ZFAND3: variants seen among roughly 807,000 people sequenced by gnomAD.
ZFAND3 encodes the protein AN1-type zinc finger protein 3.
Under a neutral mutation model 29.6 loss-of-function variants are expected in ZFAND3, and 10 were observed. That is an observed-to-expected ratio of 0.34 (90% CI 0.21 to 0.57). ZFAND3 has a LOEUF of 0.57. ZFAND3 is among the 20% of genes least tolerant of loss of function. The probability of loss-of-function intolerance (pLI) is 0.86; values close to 1 mark genes in which losing one functional copy is unlikely to be tolerated. For synonymous variants in ZFAND3, 128 were observed against 112.6 expected (o/e 1.14, Z -0.87); for missense variants, 230 against 304.5 (o/e 0.76, Z 1.82).
intron 1 of ZFAND3, among the ~76,000 whole-genome samples, chr6:37,833,407 C>A (rs1490166113): frequency 4.6e-5 from 7 of 152,184 alleles, no homozygotes; most frequent in South Asian, 2.1e-4. Flanking sequence ...AATCACTATC[C>A]CAACTTGTAC....
At chr6:37,893,399 A>G (rs763951904) in intron 1 of ZFAND3, among the ~76,000 whole-genome samples, 11 of 152,220 alleles carry the variant, frequency 7.2e-5, no homozygotes, top group South Asian at 2.1e-4. Flanking sequence ...AAAACATTCA[A>G]CAAACTATGA....
At chr6:38,140,490 G>A (rs1027560728) in intron 5 of ZFAND3, among the ~76,000 whole-genome samples, 1 of 150,866 alleles carries the variant, frequency 6.6e-6, no homozygotes, top group African/African-American at 2.4e-5. Flanking sequence ...CCATTCGTAG[G>A]GTGTTTTGTT....
intron 2 of ZFAND3, among the ~76,000 whole-genome samples, chr6:38,013,346 A>G (rs1561966229): frequency 6.6e-6 from 1 of 152,176 alleles, no homozygotes; most frequent in Non-Finnish European, 1.5e-5. Flanking sequence ...CTTAATGAAT[A>G]TCTCACCTTC....
intron 2 of ZFAND3, among the ~76,000 whole-genome samples, chr6:38,001,742 T>C (rs1762951687): frequency 6.6e-6 from 1 of 152,174 alleles, no homozygotes; most frequent in Admixed American, 6.5e-5. Context: ...TTTCAGAACA[T>C]GGATAAACAT....
At chr6:37,858,727 A>C (rs1367489284) in intron 1 of ZFAND3, among the ~76,000 whole-genome samples, 1 of 152,242 alleles carries the variant, frequency 6.6e-6, no homozygotes, top group Non-Finnish European at 1.5e-5. Context: ...CCTGTTAAAC[A>C]AGGTGAAGAA....
intron 1 of ZFAND3, among the ~76,000 whole-genome samples, chr6:37,921,672 A>C (rs903558471): frequency 1.1e-4 from 16 of 152,076 alleles, no homozygotes; most frequent in African/African-American, 3.9e-4. Context: ...AAACATTGAT[A>C]TCCTTCAAAA....
chr6:38,106,737 G>T (rs1055028584), intron 4 of ZFAND3, among the ~76,000 whole-genome samples: 1 of 152,096 alleles, frequency 6.6e-6, no homozygotes, highest in Admixed American at 6.5e-5. Context: ...CTGGATTGGG[G>T]CCACCTTGAG....
rs1425833190 is a variant in ZFAND3 at position 37,819,892 on chromosome 6, G to A, written c.-54G>A. Reference sequence around the variant, plus strand: ...CCACCGCCTCCTCAGAGCGGGGCCCGGGCCCAGCCGCCGCCACCGCTGCCG... The same window carrying A: ...CCACCGCCTCCTCAGAGCGGGGCCCAGGCCCAGCCGCCGCCACCGCTGCCG... On this transcript the variant is annotated 5_prime_UTR_variant, in exon 1 of 6. Coordinates refer to ENST00000287218, the MANE Select transcript of ZFAND3 (RefSeq NM_021943.3). 3.5e-6 allele frequency: 4 copies of A among 1,157,018 alleles called. No individual in the cohort carries two copies. Among genetic ancestry groups the A allele is most frequent in the East Asian group, 3.9e-5 (1 of 25,642 alleles). The allele number at this position is 1,157,018 out of a possible 1,614,324, so 71.7% of individuals were successfully genotyped here. A position where few individuals can be genotyped will look rare whatever the true frequency, so the allele number is the denominator to read the frequency against.
At chr6:37,861,269 TA>T (rs960221476) in intron 1 of ZFAND3, among the ~76,000 whole-genome samples, 1 of 151,588 alleles carries the variant, frequency 6.6e-6, no homozygotes, top group Non-Finnish European at 1.5e-5. Context: ...AAAATAAAAA[TA>T]AAAAAATAGC....
chr6:37,946,678 A>G (rs1761907244), intron 2 of ZFAND3, among the ~76,000 whole-genome samples: 2 of 152,180 alleles, frequency 1.3e-5, no homozygotes, highest in African/African-American at 4.8e-5. Context: ...ATTATCAAAT[A>G]ATTGATGTTT....
At chr6:38,143,691 C>G (rs1766009381) in intron 5 of ZFAND3, among the ~76,000 whole-genome samples, 1 of 152,202 alleles carries the variant, frequency 6.6e-6, no homozygotes, top group Non-Finnish European at 1.5e-5. Context: ...CTTGTTGATT[C>G]ACTGTGGCTT....
At chr6:38,031,194 T>C (rs1233599117) in intron 2 of ZFAND3, among the ~76,000 whole-genome samples, 1 of 152,182 alleles carries the variant, frequency 6.6e-6, no homozygotes, top group Non-Finnish European at 1.5e-5. Flanking sequence ...ACTACCTGTT[T>C]GTTTGCCTCT....
chr6:38,142,894 T>C (rs2127495886), intron 5 of ZFAND3: 1 of 155,000 alleles, frequency 6.5e-6, no homozygotes, highest in South Asian at 2.0e-4. Context: ...TTTAAATATA[T>C]GTTCATCTCC....
chr6:38,010,949 G>C (rs188461806), intron 2 of ZFAND3, among the ~76,000 whole-genome samples: 67 of 143,162 alleles, frequency 4.7e-4, no homozygotes, highest in African/African-American at 1.7e-3. Context: ...TCACTGTGTT[G>C]CACAGCCTGG....
chr6:37,943,047 T>A (rs960345378), intron 2 of ZFAND3, among the ~76,000 whole-genome samples: 2 of 152,150 alleles, frequency 1.3e-5, no homozygotes, highest in African/African-American at 4.8e-5. Context: ...AGGAATGCAT[T>A]TCTGTAGAAC....
chr6:38,030,189 A>T (rs13210087), intron 2 of ZFAND3, among the ~76,000 whole-genome samples: 10,845 of 133,784 alleles, frequency 0.081, 498 homozygotes, highest in African/African-American at 0.14. Flanking sequence ...TTCCTTTAAA[A>T]TTTTTTTTGT....
At chr6:37,937,610 A>T (rs1378470396) in intron 2 of ZFAND3, among the ~76,000 whole-genome samples, 6 of 130,556 alleles carry the variant, frequency 4.6e-5, no homozygotes, top group Non-Finnish European at 7.8e-5. Context: ...AGCCGAGATC[A>T]CGCTGCTGTA....
chr6:38,116,518 G>C, intron 4 of ZFAND3, 54 bp from the exon 5 acceptor site: 1 of 1,556,304 alleles, frequency 6.4e-7, no homozygotes, highest in Non-Finnish European at 8.8e-7. Flanking sequence ...TTAATCAACT[G>C]TGCTTGCCAG....
chr6:37,992,420 G>C (rs1762774677), intron 2 of ZFAND3, among the ~76,000 whole-genome samples: 1 of 152,116 alleles, frequency 6.6e-6, no homozygotes, highest in Non-Finnish European at 1.5e-5. Context: ...AAACCTACAG[G>C]AAAGTTAAAA....
Sources: gnomAD v4.1 joint callset for allele counts (sites outside exome capture counted in the v4.1 genomes callset) on GRCh38, gnomAD v4.1.1 for gene constraint, MANE v1.5 for transcripts, NCBI Gene and HGNC (gene_info 2026-07-23, HGNC 2026-07-21) for gene names.